Variants in TEX11 observed in about 807,000 individuals in gnomAD.
The protein encoded by TEX11 is testis-expressed protein 11.
Under a neutral mutation model 84.4 loss-of-function variants are expected in TEX11, and 7 were observed. The ratio of observed to expected loss-of-function variants is 0.08; its 90% confidence interval spans 0.05 to 0.16. The LOEUF (loss-of-function observed/expected upper bound fraction) is 0.16. Ranked by LOEUF, TEX11 falls within the 10% of genes least tolerant of loss-of-function variation. TEX11 has a pLI of 1.00. For synonymous variants in TEX11, 264 were observed against 222.8 expected (o/e 1.18, Z -1.64); for missense variants, 551 against 660.5 (o/e 0.83, Z 1.82).
At chrX:70,825,003 C>A (rs757665347) in intron 8 of TEX11, among the ~76,000 whole-genome samples, 12 of 111,439 alleles carry the variant, frequency 1.1e-4, no homozygotes, top group Non-Finnish European at 1.9e-4. Flanking sequence ...GACCCAGAAG[C>A]CAAAAATGTA....
At chrX:70,904,005 G>A (rs1197491997) in intron 2 of TEX11, among the ~76,000 whole-genome samples, 7 of 51,595 alleles carry the variant, frequency 1.4e-4, no homozygotes, top group Non-Finnish European at 2.2e-4. Context: ...TTTTTTTTTG[G>A]TGAAGACAGG....
chrX:70,756,843 AC>A (rs777016555), intron 9 of TEX11, among the ~76,000 whole-genome samples: 1 of 112,119 alleles, frequency 8.9e-6, no homozygotes, highest in Admixed American at 9.5e-5. Flanking sequence ...GCATGTTCTA[AC>A]CCATCGCAAG....
chrX:70,578,585 A>C (rs2088712746), intron 25 of TEX11, among the ~76,000 whole-genome samples: 1 of 111,071 alleles, frequency 9.0e-6, no homozygotes, highest in African/African-American at 3.3e-5. Context: ...CTACAACTGA[A>C]AAAGGCTTTG....
At chrX:70,639,304 T>A (rs1173349368) in intron 17 of TEX11, among the ~76,000 whole-genome samples, 1 of 111,129 alleles carries the variant, frequency 9.0e-6, no homozygotes, top group Non-Finnish European at 1.9e-5. Context: ...AGCACAGCAG[T>A]CTGAGATCAA....
chrX:70,744,931 G>T (rs1399048258), intron 9 of TEX11, among the ~76,000 whole-genome samples: 1 of 107,295 alleles, frequency 9.3e-6, no homozygotes, highest in Non-Finnish European at 1.9e-5. Context: ...ATGTTGGCCA[G>T]GTTGGTCTCG....
chrX:70,866,942 T>C (rs763060269), intron 4 of TEX11, among the ~76,000 whole-genome samples: 1 of 112,083 alleles, frequency 8.9e-6, no homozygotes, highest in South Asian at 3.7e-4. Flanking sequence ...AGCTGGAAGC[T>C]TTCCTGTGGA....
At chrX:70,561,635 C>G (rs908251631) in intron 25 of TEX11, among the ~76,000 whole-genome samples, 2 of 110,408 alleles carry the variant, frequency 1.8e-5, no homozygotes, top group Non-Finnish European at 3.8e-5. Context: ...ATCCACCTGC[C>G]TTGGCCTCCC....
At chrX:70,680,215 CTTTTCA>C (rs1420614401) in intron 14 of TEX11, among the ~76,000 whole-genome samples, 25 of 93,009 alleles carry the variant, frequency 2.7e-4, no homozygotes, top group Non-Finnish European at 6.4e-5. Context: ...ACGTGGGAGA[CTTTTCA>C]TTTTGTTCTG....
chrX:70,766,419 G>GA lies in TEX11; in HGVS notation c.693-22201dup, dbSNP rs373876493. 3.5e-3 allele frequency among the ~76,000 whole-genome samples: 312 copies of GA among 90,274 alleles called. 3 individuals carry two copies. Among genetic ancestry groups the GA allele is most frequent in the African/African-American group, 0.011 (270 of 24,842 alleles). The allele number at this position is 90,274 out of a possible 115,157, so 78.4% of individuals were successfully genotyped here. On this transcript the variant is annotated intron_variant, in intron 9 of 29. Transcript: ENST00000374333. ...AGAGCAAGACTCTGTCTCAAAAAAA[G>GA]AAAAAAAAAAGAAAGAAGCTCCATC...
chrX:70,806,847 T>C, intron 8 of TEX11, 57 bp from the exon 9 acceptor site: 1 of 902,931 alleles, frequency 1.1e-6, no homozygotes, highest in Non-Finnish European at 1.6e-6. Flanking sequence ...CAACACACTT[T>C]GGGAGGCCGA....
chrX:70,662,542 C>T (rs1451414848), intron 16 of TEX11, among the ~76,000 whole-genome samples: 5 of 110,796 alleles, frequency 4.5e-5, no homozygotes, highest in African/African-American at 1.6e-4. Flanking sequence ...TCGAGAAGAG[C>T]AACTCCAAGA....
At chrX:70,886,973 G>A (rs2091712525) in intron 2 of TEX11, among the ~76,000 whole-genome samples, 2 of 111,602 alleles carry the variant, frequency 1.8e-5, no homozygotes, top group African/African-American at 6.5e-5. Flanking sequence ...CTGTGAATGC[G>A]CTGGTTCACA....
intron 20 of TEX11, among the ~76,000 whole-genome samples, chrX:70,621,551 A>AATATATATATATATAT (rs1555999800): frequency 5.1e-4 from 4 of 7,815 alleles, no homozygotes; most frequent in Admixed American, 2.6e-3. Context: ...AAAAAAAAAA[A>AATATATATATATATAT]ATATATATAT....
chrX:70,791,227 A>G (rs1483432261), intron 9 of TEX11, among the ~76,000 whole-genome samples: 1 of 112,110 alleles, frequency 8.9e-6, no homozygotes, highest in Non-Finnish European at 1.9e-5. Context: ...CTTATATCAG[A>G]TAAAACAGAC....
At chrX:70,513,288 G>A in the TEX11 span, among the ~76,000 whole-genome samples, 13 of 104,615 alleles carry the variant, frequency 1.2e-4, no homozygotes, top group African/African-American at 4.3e-4. Flanking sequence ...GGGAGGCGGA[G>A]GTTGCAGTGA....
At chrX:70,712,054 C>T (rs893212237) in intron 13 of TEX11, among the ~76,000 whole-genome samples, 2 of 111,396 alleles carry the variant, frequency 1.8e-5, no homozygotes, top group Non-Finnish European at 3.8e-5. Flanking sequence ...GGAATCCTTT[C>T]CCCATTTCTT....
intron 16 of TEX11, among the ~76,000 whole-genome samples, chrX:70,653,318 T>G (rs1361483350): frequency 1.8e-5 from 2 of 112,088 alleles, no homozygotes; most frequent in Admixed American, 9.5e-5. Flanking sequence ...TCAACATGTA[T>G]GAAGAATTCT....
intron 13 of TEX11, among the ~76,000 whole-genome samples, chrX:70,704,860 A>G (rs1005827880): frequency 1.8e-5 from 2 of 111,657 alleles, no homozygotes; most frequent in Non-Finnish European, 3.8e-5. Flanking sequence ...TTAGACATGA[A>G]GTCCTTGCCC....
chrX:70,751,415 T>G (rs1157108854), intron 9 of TEX11, among the ~76,000 whole-genome samples: 1 of 91,559 alleles, frequency 1.1e-5, no homozygotes, highest in African/African-American at 4.2e-5. Context: ...TTCTCACTCA[T>G]AGGTGGGAAT....
Sources: gnomAD v4.1 joint callset for allele counts (sites outside exome capture counted in the v4.1 genomes callset) on GRCh38, gnomAD v4.1.1 for gene constraint, MANE v1.5 for transcripts, NCBI Gene and HGNC (gene_info 2026-07-23, HGNC 2026-07-21) for gene names.